Variants in PIP5K1B observed in about 807,000 individuals in gnomAD.
The protein encoded by PIP5K1B is phosphatidylinositol 4-phosphate 5-kinase type-1 beta.
In PIP5K1B, 42 loss-of-function variants were observed where a neutral mutation model predicts 67.0. The ratio of observed to expected loss-of-function variants is 0.63; its 90% CI spans 0.49 to 0.81. The LOEUF is 0.81. PIP5K1B is among the 30% of genes least tolerant of loss of function. The probability of loss-of-function intolerance (pLI) is 0.00; values close to 1 mark genes in which losing one functional copy is unlikely to be tolerated. For missense variants in PIP5K1B, 459 were observed against 646.3 expected, an observed-to-expected ratio of 0.71 and a Z score of 3.14; for synonymous variants, 214 against 231.4, an observed-to-expected ratio of 0.92 and a Z score of 0.68.
chr9:68,911,628 T>G (rs6560422), intron 8 of PIP5K1B, among the ~76,000 whole-genome samples: 1 of 152,078 alleles, frequency 6.6e-6, no homozygotes, highest in South Asian at 2.1e-4. Flanking sequence ...TGGTGGCTCA[T>G]GCCTGTAATC....
At chr9:68,932,617 A>G (rs1212900679) in intron 12 of PIP5K1B, among the ~76,000 whole-genome samples, 1 of 152,224 alleles carries the variant, frequency 6.6e-6, no homozygotes. Flanking sequence ...CTGCTTCTGA[A>G]TTCAATATGT....
chr9:68,913,042 A>G (rs1377107655), intron 8 of PIP5K1B, among the ~76,000 whole-genome samples: 3 of 152,170 alleles, frequency 2.0e-5, no homozygotes, highest in East Asian at 1.9e-4. Flanking sequence ...CTGCTTTGAC[A>G]TTGACTTTGA....
intron 6 of PIP5K1B, among the ~76,000 whole-genome samples, chr9:68,880,412 G>T (rs1378412421): frequency 6.6e-6 from 1 of 152,018 alleles, no homozygotes; most frequent in South Asian, 2.1e-4. Context: ...AACGTTAGCT[G>T]GGCACGGTGG....
intron 2 of PIP5K1B, among the ~76,000 whole-genome samples, chr9:68,807,248 T>C (rs1832920117): frequency 6.6e-6 from 1 of 152,144 alleles, no homozygotes; most frequent in Non-Finnish European, 1.5e-5. Context: ...TCTTAAGTGG[T>C]CATTTCATGA....
chr9:68,880,208 A>T (rs1368477028), intron 6 of PIP5K1B, among the ~76,000 whole-genome samples: 1 of 152,194 alleles, frequency 6.6e-6, no homozygotes, highest in Non-Finnish European at 1.5e-5. Flanking sequence ...TAGATACATG[A>T]GTGTTAATTT....
intron 2 of PIP5K1B, among the ~76,000 whole-genome samples, chr9:68,761,447 T>C (rs1457832395): frequency 6.6e-6 from 1 of 152,154 alleles, no homozygotes; most frequent in Non-Finnish European, 1.5e-5. Context: ...TCATTTCTTA[T>C]TGCTGCTGTA....
intron 7 of PIP5K1B, 103 bp downstream of exon 7, chr9:68,889,236 T>C: frequency 2.4e-6 from 2 of 835,794 alleles, no homozygotes; most frequent in Non-Finnish European, 3.8e-6. Flanking sequence ...TGTTTCTTTC[T>C]CTTTGGTAAG....
At chr9:68,856,113 A>T (rs938777240) in intron 4 of PIP5K1B, among the ~76,000 whole-genome samples, 1 of 152,092 alleles carries the variant, frequency 6.6e-6, no homozygotes, top group Admixed American at 6.6e-5. Context: ...CTGTTCCCTC[A>T]TTGAAACACA....
At chr9:68,733,356 T>C (rs968904865) in intron 1 of PIP5K1B, among the ~76,000 whole-genome samples, 60 of 152,194 alleles carry the variant, frequency 3.9e-4, no homozygotes, top group Non-Finnish European at 2.1e-4. Context: ...ATATTTCGTT[T>C]TTCTCTGTTT....
intron 1 of PIP5K1B, among the ~76,000 whole-genome samples, chr9:68,736,388 T>A (rs1174320131): frequency 6.6e-6 from 1 of 152,110 alleles, no homozygotes; most frequent in Non-Finnish European, 1.5e-5. Flanking sequence ...TATTTTAACA[T>A]TTTTTTTCTG....
At chr9:68,727,349 T>G (rs1828202494) in intron 1 of PIP5K1B, among the ~76,000 whole-genome samples, 2 of 152,218 alleles carry the variant, frequency 1.3e-5, no homozygotes, top group Non-Finnish European at 2.9e-5. Flanking sequence ...CTATCTGGTT[T>G]AATTTATTGC....
chr9:68,857,522 A>G (rs1363829282), intron 4 of PIP5K1B, among the ~76,000 whole-genome samples: 2 of 152,198 alleles, frequency 1.3e-5, no homozygotes, highest in African/African-American at 4.8e-5. Flanking sequence ...TCTTGAGTAT[A>G]GGTTCACGGA....
intron 4 of PIP5K1B, among the ~76,000 whole-genome samples, chr9:68,845,514 G>C (rs1190135105): frequency 6.6e-6 from 1 of 152,200 alleles, no homozygotes; most frequent in Non-Finnish European, 1.5e-5. Context: ...CCGGGAACAG[G>C]AGAAACATAG....
chr9:68,849,618 G>A (rs1467263410), intron 4 of PIP5K1B, among the ~76,000 whole-genome samples: 4 of 152,078 alleles, frequency 2.6e-5, no homozygotes, highest in Non-Finnish European at 5.9e-5. Flanking sequence ...CACCCACCTC[G>A]GCCTCCCAAA....
intron 2 of PIP5K1B, among the ~76,000 whole-genome samples, chr9:68,791,295 G>A (rs1160259175): frequency 6.6e-6 from 1 of 152,248 alleles, no homozygotes; most frequent in Admixed American, 6.5e-5. Flanking sequence ...GAACTTGGGA[G>A]TGACAAGTAG....
chr9:68,979,250 A>G (rs1829777798), intron 14 of PIP5K1B, among the ~76,000 whole-genome samples: 1 of 152,218 alleles, frequency 6.6e-6, no homozygotes, highest in African/African-American at 2.4e-5. Flanking sequence ...ACCAGAGGTG[A>G]GACAAGATAG....
chr9:68,896,906 A>G (rs984863514), intron 8 of PIP5K1B, among the ~76,000 whole-genome samples: 3 of 152,170 alleles, frequency 2.0e-5, no homozygotes, highest in African/African-American at 7.2e-5. Flanking sequence ...ATGGATCGTG[A>G]ATCTCTTGGA....
At chr9:68,993,064 G>A (rs553734847) in intron 15 of PIP5K1B, among the ~76,000 whole-genome samples, 14 of 151,046 alleles carry the variant, frequency 9.3e-5, no homozygotes, top group Middle Eastern at 3.5e-3. Context: ...CGGAAGGCTG[G>A]GGCAGGAGAA....
At chr9:68,850,672 C>T (rs1332262559) in intron 4 of PIP5K1B, among the ~76,000 whole-genome samples, 1 of 152,192 alleles carries the variant, frequency 6.6e-6, no homozygotes, top group Non-Finnish European at 1.5e-5. Flanking sequence ...ATAACAAGTC[C>T]TCTACCAGGA....
Sources: gnomAD v4.1 joint callset for allele counts (sites outside exome capture counted in the v4.1 genomes callset) on GRCh38, gnomAD v4.1.1 for gene constraint, MANE v1.5 for transcripts, NCBI Gene and HGNC (gene_info 2026-07-23, HGNC 2026-07-21) for gene names.